TENM2: variants seen among roughly 807,000 people sequenced by gnomAD.
The protein encoded by TENM2 is teneurin-2.
TENM2 carries 52 observed loss-of-function variants against 245.2 expected under a neutral mutation model. That is an observed-to-expected ratio of 0.21 (90% CI 0.17 to 0.27). The LOEUF is 0.27. Among genes scored for constraint, TENM2 ranks in the 10% least tolerant of loss-of-function variants. The pLI is 1.00. For missense variants in TENM2, 3,046 were observed against 3,666.8 expected, an observed-to-expected ratio of 0.83 and a Z score of 4.37; for synonymous variants, 1,363 against 1,438.9, an observed-to-expected ratio of 0.95 and a Z score of 1.19.
intron 1 of TENM2, among the ~76,000 whole-genome samples, chr5:167,362,172 G>A (rs1759756805): frequency 6.6e-6 from 1 of 152,146 alleles, no homozygotes; most frequent in African/African-American, 2.4e-5. Context: ...GGAAGAAAAG[G>A]AAAACTCTTG....
rs538228359 is a variant in TENM2 at position 167,672,939 on chromosome 5, C to G, written c.503-203047C>G. ...AAAAAAAAAAAAAAAGATGATTTCT[C>G]GAACTCTTAATAGCTCATAAGAGGA... On this transcript the variant is annotated intron_variant, in intron 2 of 28. Coordinates refer to ENST00000518659, the Ensembl canonical transcript of TENM2. 4.0e-5 allele frequency among the ~76,000 whole-genome samples: 6 copies of G among 151,328 alleles called. No individual in the cohort carries two copies. In the South Asian group the frequency reaches 1.3e-3, roughly 32 times the overall value.
chr5:167,856,924 TG>T (rs1771148317), intron 2 of TENM2, among the ~76,000 whole-genome samples: 1 of 152,232 alleles, frequency 6.6e-6, no homozygotes, highest in African/African-American at 2.4e-5. Flanking sequence ...GCTCTTTACA[TG>T]TTTATCCATT....
intron 2 of TENM2, among the ~76,000 whole-genome samples, chr5:167,558,665 A>G (rs1014701505): frequency 1.3e-5 from 2 of 152,168 alleles, no homozygotes; most frequent in African/African-American, 4.8e-5. Flanking sequence ...CCCTGATGGG[A>G]CCATCTAGTT....
the TENM2 span, among the ~76,000 whole-genome samples, chr5:167,251,809 T>C: frequency 1.2e-4 from 19 of 152,300 alleles, no homozygotes; most frequent in East Asian, 2.7e-3. Context: ...AGTTTTACTT[T>C]GGGCATAATG....
At chr5:167,071,611 G>C in the TENM2 span, among the ~76,000 whole-genome samples, 3 of 152,054 alleles carry the variant, frequency 2.0e-5, no homozygotes, top group Admixed American at 2.0e-4. Context: ...ATATACCAAG[G>C]TAGCATATTA....
At chr5:167,582,868 C>T (rs541227247) in intron 2 of TENM2, among the ~76,000 whole-genome samples, 1 of 152,202 alleles carries the variant, frequency 6.6e-6, no homozygotes, top group East Asian at 1.9e-4. Flanking sequence ...GTCCCCTTGA[C>T]TCTTAGAAAT....
intron 2 of TENM2, among the ~76,000 whole-genome samples, chr5:167,549,938 AC>A (rs1047645243): frequency 6.6e-6 from 1 of 152,114 alleles, no homozygotes; most frequent in African/African-American, 2.4e-5. Flanking sequence ...AAAATGGCTC[AC>A]TTGGAAGGTT....
At chr5:167,403,529 T>C (rs752823287) in intron 2 of TENM2, among the ~76,000 whole-genome samples, 17 of 152,160 alleles carry the variant, frequency 1.1e-4, no homozygotes, top group Non-Finnish European at 2.2e-4. Context: ...TCATGCCTTC[T>C]ACCTGAACGT....
the TENM2 span, among the ~76,000 whole-genome samples, chr5:167,001,873 T>C: frequency 1.3e-5 from 2 of 152,136 alleles, no homozygotes; most frequent in Non-Finnish European, 2.9e-5. Context: ...AGTCTCCAAA[T>C]GCTTATTTTA....
intron 2 of TENM2, among the ~76,000 whole-genome samples, chr5:167,580,243 G>A (rs768085180): frequency 3.3e-5 from 5 of 152,202 alleles, no homozygotes; most frequent in South Asian, 2.1e-4. Context: ...ATTTGAGCAG[G>A]AAAATCCGAA....
intron 2 of TENM2, among the ~76,000 whole-genome samples, chr5:167,566,375 G>A (rs1030108170): frequency 1.3e-5 from 2 of 152,072 alleles, no homozygotes; most frequent in East Asian, 3.9e-4. Context: ...ACATATTTTA[G>A]TGCATATCTC....
chr5:167,669,363 G>GT (rs1561655701), intron 2 of TENM2, among the ~76,000 whole-genome samples: 1 of 151,940 alleles, frequency 6.6e-6, no homozygotes, highest in Non-Finnish European at 1.5e-5. Flanking sequence ...GGTGTATATA[G>GT]TTTTGTTCAA....
At chr5:167,393,572 C>G (rs542797911) in intron 2 of TENM2, among the ~76,000 whole-genome samples, 15 of 152,080 alleles carry the variant, frequency 9.9e-5, no homozygotes, top group Non-Finnish European at 1.8e-4. Context: ...GGCAGAATAG[C>G]AGGAAACCAG....
intron 8 of TENM2, among the ~76,000 whole-genome samples, chr5:168,095,087 A>G (rs147058553): frequency 1.3e-4 from 20 of 152,134 alleles, no homozygotes; most frequent in Non-Finnish European, 2.8e-4. Flanking sequence ...GGTGAGTTGT[A>G]TAGTTATTTC....
At chr5:167,352,437 A>G (rs1211735639) in intron 1 of TENM2, among the ~76,000 whole-genome samples, 3 of 152,214 alleles carry the variant, frequency 2.0e-5, no homozygotes, top group African/African-American at 7.2e-5. Context: ...GGAAGAATAA[A>G]TTGAGTCTTT....
intron 2 of TENM2, among the ~76,000 whole-genome samples, chr5:167,530,663 T>C (rs746611411): frequency 5.3e-5 from 8 of 152,182 alleles, no homozygotes; most frequent in Non-Finnish European, 8.8e-5. Flanking sequence ...CGGCCCCTGC[T>C]CAAGAGTCCC....
intron 2 of TENM2, among the ~76,000 whole-genome samples, chr5:167,663,778 G>A (rs571084334): frequency 2.5e-4 from 38 of 151,894 alleles, no homozygotes; most frequent in African/African-American, 9.2e-4. Flanking sequence ...TAATCATTTA[G>A]TGAACATATA....
the TENM2 span, among the ~76,000 whole-genome samples, chr5:167,278,716 C>T: frequency 6.6e-6 from 1 of 152,066 alleles, no homozygotes; most frequent in African/African-American, 2.4e-5. Flanking sequence ...TTCTCTGACC[C>T]TCCCCTATTT....
the TENM2 span, among the ~76,000 whole-genome samples, chr5:167,185,060 TGGG>T: frequency 2.0e-5 from 3 of 152,258 alleles, no homozygotes; most frequent in African/African-American, 7.2e-5. Flanking sequence ...GTGTGGCCCC[TGGG>T]GGTTAGGGAC....
Sources: allele counts gnomAD v4.1 joint callset (sites outside exome capture counted in the v4.1 genomes callset), GRCh38; gene constraint gnomAD v4.1.1; transcripts MANE v1.5; gene names NCBI Gene and HGNC (gene_info 2026-07-23, HGNC 2026-07-21).